OR51B5: variants seen among roughly 807,000 people sequenced by gnomAD.
The protein encoded by OR51B5 is olfactory receptor 51B5.
For synonymous variants in OR51B5, 186 were observed against 144.8 expected (o/e 1.28, Z -2.04); for missense variants, 456 against 374.6 (o/e 1.22, Z -1.79).
At chr11:5,456,182 T>C (rs1022797339) in intron 1 of OR51B5, 17 of 152,306 alleles carry the variant, frequency 1.1e-4, no homozygotes, top group East Asian at 7.7e-4. Context: ...CTTTTGACCA[T>C]AGGCCTTACT....
chr11:5,381,627 T>G (rs1253844303), intron 1 of OR51B5, among the ~76,000 whole-genome samples: 1 of 152,232 alleles, frequency 6.6e-6, no homozygotes, highest in South Asian at 2.1e-4. Context: ...TGATCAGAGT[T>G]TCTCACAGGA....
chr11:5,347,839 G>C (rs749780030), upstream of OR51B5, among the ~76,000 whole-genome samples: 1 of 152,100 alleles, frequency 6.6e-6, no homozygotes, highest in East Asian at 1.9e-4. Context: ...TCTAAATCAG[G>C]AATGGTCTCT....
chr11:5,376,717 G>A (rs1305774685), intron 1 of OR51B5, among the ~76,000 whole-genome samples: 2 of 151,850 alleles, frequency 1.3e-5, no homozygotes, highest in Admixed American at 6.6e-5. Context: ...TAGAAGAAAT[G>A]GATAAATTCC....
intron 1 of OR51B5, among the ~76,000 whole-genome samples, chr11:5,414,125 T>C (rs1454887221): frequency 1.3e-5 from 2 of 151,898 alleles, no homozygotes; most frequent in Non-Finnish European, 2.9e-5. Context: ...TGGGGGCCAA[T>C]ATTCAACATT....
rs936071971 is a variant in OR51B5, at chr11:5,478,440, A to G, written n.84+27129T>C. Among the ~76,000 whole-genome samples, 28 of 152,186 alleles carry G rather than the reference A, an allele frequency of 1.8e-4. No homozygotes were observed. The South Asian group carries it at 3.1e-3, about 17-fold the overall frequency. Reference sequence around the variant, plus strand: ...ACAGAACAGAAAAACTGGAAACTCTAAAAAGCAGAGCACCTCTCCTCCTCC... The same window carrying G: ...ACAGAACAGAAAAACTGGAAACTCTGAAAAGCAGAGCACCTCTCCTCCTCC... On this transcript the variant is annotated intron_variant and non_coding_transcript_variant, in intron 1 of 4. Coordinates refer to the OR51B5 transcript ENST00000415970.
chr11:5,411,445 T>C (rs1424155575), intron 1 of OR51B5, among the ~76,000 whole-genome samples: 1 of 148,990 alleles, frequency 6.7e-6, no homozygotes, highest in Non-Finnish European at 1.5e-5. Context: ...ACAACACATA[T>C]CTCAGGACAT....
chr11:5,384,097 T>A (rs1849649468), intron 1 of OR51B5, among the ~76,000 whole-genome samples: 1 of 152,210 alleles, frequency 6.6e-6, no homozygotes, highest in African/African-American at 2.4e-5. Flanking sequence ...TGAATGTCCT[T>A]AGCCAAATGG....
chr11:5,452,252 C>T (rs1850863798), intron 1 of OR51B5, among the ~76,000 whole-genome samples: 1 of 152,080 alleles, frequency 6.6e-6, no homozygotes, highest in African/African-American at 2.4e-5. Context: ...CGCCTGTAAT[C>T]CCAGCACTTT....
chr11:5,426,731 GTCTC>G (rs763685711), intron 1 of OR51B5, among the ~76,000 whole-genome samples: 4 of 152,010 alleles, frequency 2.6e-5, no homozygotes, highest in African/African-American at 4.8e-5. Context: ...CAAAACCAAG[GTCTC>G]TCTCTGTCTC....
At chr11:5,497,884 A>G (rs1377753226) in intron 1 of OR51B5, among the ~76,000 whole-genome samples, 1 of 152,160 alleles carries the variant, frequency 6.6e-6, no homozygotes, top group Non-Finnish European at 1.5e-5. Context: ...GAGCATAGGT[A>G]TGACATCACA....
chr11:5,378,275 T>C (rs1849557981), intron 1 of OR51B5, among the ~76,000 whole-genome samples: 1 of 152,136 alleles, frequency 6.6e-6, no homozygotes, highest in African/African-American at 2.4e-5. Flanking sequence ...ATGCTGAAAC[T>C]GGATCCCTTC....
chr11:5,350,438 G>C (rs1294410216), intron 1 of OR51B5, among the ~76,000 whole-genome samples: 1 of 152,110 alleles, frequency 6.6e-6, no homozygotes, highest in Non-Finnish European at 1.5e-5. Context: ...CCAACCATAA[G>C]AGAAGGTGGG....
chr11:5,479,767 G>C (rs1380154991), intron 1 of OR51B5, among the ~76,000 whole-genome samples: 9 of 140,280 alleles, frequency 6.4e-5, no homozygotes, highest in Non-Finnish European at 1.3e-4. Context: ...GACAAAGAAG[G>C]CCATTACATA....
chr11:5,341,877 C>G (rs7938837), downstream of OR51B5, among the ~76,000 whole-genome samples: 17,036 of 152,140 alleles, frequency 0.11, 1,776 homozygotes, highest in African/African-American at 0.28. Context: ...GAAGGAGGTA[C>G]TGACTGTGTC....
chr11:5,358,219 A>G lies in OR51B5; in HGVS notation n.85-11309T>C, dbSNP rs191494403. ...GAATCCAGAAGCTGGTTTTTCAAAA[A>G]GATCAACAAAATTGATAGACTGCTA... On this transcript the variant is annotated intron_variant and non_coding_transcript_variant, in intron 1 of 4. Coordinates refer to the OR51B5 transcript ENST00000415970. Among the ~76,000 whole-genome samples, 594 of 152,294 alleles carry G rather than the reference A, an allele frequency of 3.9e-3. 2 individuals carry two copies. The highest frequency in any genetic ancestry group is 0.01 in the Middle Eastern group (3 of 294).
intron 1 of OR51B5, among the ~76,000 whole-genome samples, chr11:5,485,922 T>A (rs1042096969): frequency 3.3e-5 from 5 of 152,228 alleles, no homozygotes; most frequent in Non-Finnish European, 5.9e-5. Context: ...ATGTGATAGT[T>A]TTTTTAAAAA....
At chr11:5,420,356 T>C (rs772290742) in intron 1 of OR51B5, among the ~76,000 whole-genome samples, 9 of 152,124 alleles carry the variant, frequency 5.9e-5, no homozygotes, top group Non-Finnish European at 1.3e-4. Flanking sequence ...AATTATACGA[T>C]TTAACTTTCC....
In OR51B5 at chr11:5,351,547, G is replaced by A. The variant is rs760668722; in HGVS notation, n.85-4637C>T. The A allele has an allele frequency of 1.7e-5, 28 of 1,613,744 alleles. No individual in the cohort carries two copies. In the East Asian group the frequency reaches 4.7e-4, roughly 27 times the overall value. On this transcript the variant is annotated intron_variant and non_coding_transcript_variant, in intron 1 of 4. Transcript: ENST00000415970. ...GTCTGCTTCCACCTTCCAGCTTACT[G>A]GCTTCCCAGGCATGGAGAAGGCACA... is the stretch of plus-strand genomic sequence containing the variant.
At chr11:5,482,066 G>C (rs1851431701) in intron 1 of OR51B5, among the ~76,000 whole-genome samples, 1 of 120,052 alleles carries the variant, frequency 8.3e-6, no homozygotes, top group Non-Finnish European at 1.7e-5. Flanking sequence ...TAAGCCAAAA[G>C]AACAAAGCTG....
Sources: gnomAD v4.1 joint callset for allele counts (sites outside exome capture counted in the v4.1 genomes callset) on GRCh38, gnomAD v4.1.1 for gene constraint, MANE v1.5 for transcripts, NCBI Gene and HGNC (gene_info 2026-07-23, HGNC 2026-07-21) for gene names.